Variants in ITPR1 observed in about 807,000 individuals in gnomAD.
ITPR1 encodes the protein inositol 1,4,5-trisphosphate receptor type 1, also known as inositol 1,4,5-trisphosphate-gated calcium channel ITPR1.
In ITPR1, 96 loss-of-function variants were observed where a neutral mutation model predicts 318.4. The ratio of observed to expected loss-of-function variants is 0.30; its 90% CI spans 0.26 to 0.36. The LOEUF is 0.36. ITPR1 is among the 10% of genes least tolerant of loss of function. The pLI is 1.00. For missense variants in ITPR1, 2,440 were observed against 3,460.2 expected (o/e 0.71, Z 7.40); for synonymous variants, 1,312 against 1,289.9 (o/e 1.02, Z -0.37).
intron 44 of ITPR1, among the ~76,000 whole-genome samples, chr3:4,749,020 C>T (rs1007702303): frequency 6.6e-6 from 1 of 152,176 alleles, no homozygotes; most frequent in Non-Finnish European, 1.5e-5. Flanking sequence ...TGATGCGCTT[C>T]GGTGACATGA....
chr3:4,541,539 T>A (rs1417051174), intron 4 of ITPR1, among the ~76,000 whole-genome samples: 1 of 152,228 alleles, frequency 6.6e-6, no homozygotes, highest in Non-Finnish European at 1.5e-5. Context: ...TCTTTTTATT[T>A]ATCCTGCATG....
At chr3:4,789,953 T>C (rs190213971) in intron 52 of ITPR1, among the ~76,000 whole-genome samples, 36 of 152,330 alleles carry the variant, frequency 2.4e-4, no homozygotes, top group African/African-American at 8.7e-4. Context: ...TCCATGATAG[T>C]TAATAGGCTG....
intron 4 of ITPR1, among the ~76,000 whole-genome samples, chr3:4,534,802 C>T (rs2083711855): frequency 1.3e-5 from 2 of 152,270 alleles, no homozygotes; most frequent in South Asian, 4.2e-4. Flanking sequence ...ATTTCTGTGA[C>T]TAAGGTCCTC....
intron 2 of ITPR1, among the ~76,000 whole-genome samples, chr3:4,497,594 T>C (rs2080692513): frequency 6.6e-6 from 1 of 152,190 alleles, no homozygotes; most frequent in South Asian, 2.1e-4. Flanking sequence ...TTAGATCCCT[T>C]GTGCATTGCC....
rs78481273 is a variant in ITPR1 at position 4,768,404 on chromosome 3, C to T, written c.5726-107C>T. ...CTTTGAGTGTTTTGCCAACTTTGAA[C>T]GTCTCTAGGAGATAAAGGAATGTAG... On this transcript the variant is annotated intron_variant, in intron 45 of 61. Transcript: ENST00000649015. 9.7e-4 allele frequency: 1,253 copies of T among 1,296,454 alleles called. 8 individuals are homozygous for T. In the African/African-American group the frequency reaches 0.016, roughly 17 times the overall value. 80.3% of individuals were successfully genotyped at this position (1,296,454 alleles called of 1,614,324 possible). A position where few individuals can be genotyped will look rare whatever the true frequency, so the allele number is the denominator to read the frequency against.
At chr3:4,571,144 C>A (rs1000771765) in intron 4 of ITPR1, among the ~76,000 whole-genome samples, 1 of 152,110 alleles carries the variant, frequency 6.6e-6, no homozygotes, top group African/African-American at 2.4e-5. Flanking sequence ...TGGGCTGAGT[C>A]CAAAGTCAAG....
In ITPR1 at chr3:4,788,042, T is replaced by C. The variant is rs750456014; in HGVS notation, c.6711T>C (p.Tyr2237=). ...LTKESKLRIY[Y]TTERDEQGSK... ...AGGAGTCAAAACTACGAATTTACTA[T>C]ACTACAGAGAGAGACGAACAAGGCA... Residue 2237 remains tyrosine (Y), a synonymous_variant, in exon 52 of 62, where the codon TAT becomes TAC. Coordinates refer to ENST00000649015, the MANE Select transcript of ITPR1 (RefSeq NM_001378452.1). 2.5e-6 allele frequency: 4 copies of C among 1,612,864 alleles called. No homozygotes were observed. Among genetic ancestry groups the C allele is most frequent in the African/African-American group, 2.7e-5 (2 of 75,044 alleles).
chr3:4,696,680 T>G (rs1456541827), intron 33 of ITPR1, among the ~76,000 whole-genome samples: 1 of 151,622 alleles, frequency 6.6e-6, no homozygotes, highest in Non-Finnish European at 1.5e-5. Flanking sequence ...TGTGTTTTTT[T>G]TTTTTTTTTT....
intron 4 of ITPR1, among the ~76,000 whole-genome samples, chr3:4,568,458 A>C (rs1294382955): frequency 2.0e-5 from 3 of 152,180 alleles, no homozygotes; most frequent in Non-Finnish European, 4.4e-5. Context: ...CCTCACCCAA[A>C]AGGGGAAGAT....
intron 44 of ITPR1, among the ~76,000 whole-genome samples, chr3:4,746,309 C>T (rs1423319473): frequency 6.6e-6 from 1 of 152,130 alleles, no homozygotes; most frequent in Non-Finnish European, 1.5e-5. Context: ...AGCCCATGGC[C>T]ACCCTGATGG....
At chr3:4,633,032 G>A (rs1229695279) in intron 5 of ITPR1, among the ~76,000 whole-genome samples, 2 of 138,048 alleles carry the variant, frequency 1.4e-5, no homozygotes, top group South Asian at 4.9e-4. Context: ...TCCACCTCCC[G>A]GGTTCAAGCG....
At chr3:4,559,924 C>T (rs377205023) in intron 4 of ITPR1, among the ~76,000 whole-genome samples, 8 of 152,234 alleles carry the variant, frequency 5.3e-5, no homozygotes, top group South Asian at 2.1e-4. Context: ...TCCTAAGAGG[C>T]GGCGTTATGT....
At position 4,669,031 on chromosome 3, in the gene ITPR1, T is replaced by A. The variant is rs533299885; in HGVS notation, c.1887-623T>A. 1.2e-3 allele frequency among the ~76,000 whole-genome samples: 183 copies of A among 152,320 alleles called. 2 individuals are homozygous for A. The highest frequency in any genetic ancestry group is 4.0e-3 in the African/African-American group (167 of 41,562). On this transcript the variant is annotated intron_variant, in intron 18 of 61. Transcript: ENST00000649015. ...TTACAATGTGGGTGTCACAAATGAT[T>A]ACAATGGAGCACGGACACAGTTGCT...
At chr3:4,531,021 C>A (rs2083372539) in intron 4 of ITPR1, among the ~76,000 whole-genome samples, 1 of 152,102 alleles carries the variant, frequency 6.6e-6, no homozygotes, top group Non-Finnish European at 1.5e-5. Flanking sequence ...TAGGGTCATG[C>A]ATGCTTTTGT....
intron 13 of ITPR1, among the ~76,000 whole-genome samples, chr3:4,660,591 A>G (rs975425253): frequency 6.6e-6 from 1 of 152,160 alleles, no homozygotes; most frequent in African/African-American, 2.4e-5. Context: ...CAGAAATTTT[A>G]TGATCTCATT....
chr3:4,559,174 T>C (rs1228167934), intron 4 of ITPR1, among the ~76,000 whole-genome samples: 5 of 152,018 alleles, frequency 3.3e-5, no homozygotes, highest in African/African-American at 1.2e-4. Context: ...GTTTTTTTTT[T>C]TTAATAGTTA....
intron 51 of ITPR1, among the ~76,000 whole-genome samples, chr3:4,785,282 G>A (rs1295199697): frequency 6.6e-6 from 1 of 152,180 alleles, no homozygotes; most frequent in Non-Finnish European, 1.5e-5. Flanking sequence ...CTGTGGGTCC[G>A]TTTGTACCTG....
intron 31 of ITPR1, among the ~76,000 whole-genome samples, chr3:4,689,310 T>C (rs1009905529): frequency 8.3e-6 from 1 of 121,172 alleles, no homozygotes; most frequent in South Asian, 2.2e-4. Context: ...TCTTTGTGCA[T>C]GCACACACTC....
Position 4,661,104 on chromosome 3 carries a change from G to A in ITPR1, c.1251+17G>A. ...ATGCTGAAAGTAAGTCCTGGGACTT[G>A]CCTGTCTCCTTTTGGTCTCGTGTTT... On this transcript the variant is annotated intron_variant, in intron 14 of 61. Coordinates refer to ENST00000649015, the MANE Select transcript of ITPR1 (RefSeq NM_001378452.1). 1 of 1,438,424 alleles carries A rather than the reference G, an allele frequency of 7.0e-7. No homozygotes were observed. The highest frequency in any genetic ancestry group is 9.8e-7 in the Non-Finnish European group (1 of 1,020,142). The allele number at this position is 1,438,424 out of a possible 1,614,324, so 89.1% of individuals were successfully genotyped here. A position where few individuals can be genotyped will look rare whatever the true frequency, so the allele number is the denominator to read the frequency against.
Sources: gnomAD v4.1 joint callset for allele counts (sites outside exome capture counted in the v4.1 genomes callset) on GRCh38, gnomAD v4.1.1 for gene constraint, MANE v1.5 for transcripts, NCBI Gene and HGNC (gene_info 2026-07-23, HGNC 2026-07-21) for gene names.